The following BIRC6 variants were observed in gnomAD, a reference collection of about 807,000 sequenced individuals.
BIRC6 encodes the protein dual E2 ubiquitin-conjugating enzyme/E3 ubiquitin-protein ligase BIRC6.
Under a neutral mutation model 503.3 loss-of-function variants are expected in BIRC6, and 98 were observed. The observed-to-expected ratio is 0.19, with a 90% CI of 0.17 to 0.23. The LOEUF is 0.23. BIRC6 is among the 10% of genes least tolerant of loss of function. BIRC6 has a pLI of 1.00. For synonymous variants in BIRC6, 2,240 were observed against 2,078.7 expected, an observed-to-expected ratio of 1.08 and a Z score of -2.11; for missense variants, 5,360 against 5,806.0, an observed-to-expected ratio of 0.92 and a Z score of 2.50.
intron 73 of BIRC6, among the ~76,000 whole-genome samples, chr2:32,615,451 T>C (rs574386156): frequency 6.6e-6 from 1 of 152,314 alleles, no homozygotes; most frequent in South Asian, 2.1e-4. Flanking sequence ...TTCCTATTTA[T>C]GTGTCTTATA....
chr2:32,370,271 A>G (rs1449701559), intron 1 of BIRC6, among the ~76,000 whole-genome samples: 2 of 151,268 alleles, frequency 1.3e-5, no homozygotes, highest in African/African-American at 2.4e-5. Flanking sequence ...CGTGGTGATT[A>G]TATTTTCAAA....
At chr2:32,548,081 T>C in intron 64 of BIRC6, 67 bp downstream of exon 64, 1 of 1,361,706 alleles carries the variant, frequency 7.3e-7, no homozygotes, top group Non-Finnish European at 9.7e-7. Flanking sequence ...TTTTAAAATA[T>C]TGATAACTAA....
At position 32,375,585 on chromosome 2, in the gene BIRC6, C is replaced by CCGAAAAAGCCAAATTGCTTGATA. The variant is rs565623786; in HGVS notation, c.326-2000_326-1978dup. 3.7e-3 allele frequency among the ~76,000 whole-genome samples: 568 copies of CCGAAAAAGCCAAATTGCTTGATA among 152,256 alleles called. 3 individuals carry two copies. The highest frequency in any genetic ancestry group is 0.017 in the Middle Eastern group (5 of 294). ...TACAGGCATGAGCCACCATGCCAGG[C>CCGAAAAAGCCAAATTGCTTGATA]CGAAAAAGCCAAATTGCTTGATACG... On this transcript the variant is annotated intron_variant, in intron 1 of 73. Transcript: ENST00000421745.
chr2:32,513,888 G>A (rs186995281), intron 54 of BIRC6, among the ~76,000 whole-genome samples: 6 of 151,848 alleles, frequency 4.0e-5, no homozygotes, highest in Admixed American at 6.6e-5. Context: ...AAGCCTGGGC[G>A]ACAAGAGCAA....
chr2:32,485,247 G>T (rs1572551729), intron 39 of BIRC6, among the ~76,000 whole-genome samples: 1 of 152,078 alleles, frequency 6.6e-6, no homozygotes, highest in East Asian at 1.9e-4. Context: ...TTCTGTATCT[G>T]TCTATCTATT....
At chr2:32,358,324 G>C (rs762315745) in intron 1 of BIRC6, among the ~76,000 whole-genome samples, 2 of 152,162 alleles carry the variant, frequency 1.3e-5, no homozygotes, top group South Asian at 4.1e-4. Context: ...CTCACCATTG[G>C]AGGAGAGCAC....
intron 59 of BIRC6, among the ~76,000 whole-genome samples, chr2:32,526,351 C>T (rs774471133): frequency 1.3e-5 from 2 of 152,160 alleles, no homozygotes; most frequent in African/African-American, 2.4e-5. Context: ...CGATGCCCCA[C>T]ATGATGCCAA....
chr2:32,388,000 A>G (rs939249471), intron 3 of BIRC6, among the ~76,000 whole-genome samples: 3 of 152,196 alleles, frequency 2.0e-5, no homozygotes, highest in African/African-American at 7.2e-5. Flanking sequence ...AGAAAGATTA[A>G]ATTAAGCTAA....
At chr2:32,413,708 A>G (rs1335905646) in intron 9 of BIRC6, among the ~76,000 whole-genome samples, 2 of 151,724 alleles carry the variant, frequency 1.3e-5, no homozygotes, top group Non-Finnish European at 2.9e-5. Context: ...AAGAAAAAAA[A>G]AAAAAAGAAA....
chr2:32,500,612 T>TG (rs900632627), intron 46 of BIRC6, among the ~76,000 whole-genome samples: 11 of 146,200 alleles, frequency 7.5e-5, no homozygotes, highest in East Asian at 2.0e-4. Flanking sequence ...TTTTGTTTTT[T>TG]TTTTTTTTTT....
In BIRC6 at chr2:32,513,170, G is replaced by A; in HGVS notation, c.10568+16G>A. On this transcript the variant is annotated intron_variant, in intron 54 of 73. Coordinates refer to ENST00000421745, the MANE Select transcript of BIRC6 (RefSeq NM_016252.4). Reference sequence around the variant, plus strand: ...AGCTCTTTGAGTAAGTATGATTTGTGAAATCTTTTTTATCCCCCAGTACTA... The same window carrying A: ...AGCTCTTTGAGTAAGTATGATTTGTAAAATCTTTTTTATCCCCCAGTACTA... 3.1e-6 allele frequency: 5 copies of A among 1,598,378 alleles called. No homozygotes were observed. The highest frequency in any genetic ancestry group is 4.3e-6 in the Non-Finnish European group (5 of 1,167,322).
At chr2:32,559,506 AAG>A (rs1172986996) in intron 65 of BIRC6, among the ~76,000 whole-genome samples, 1 of 152,218 alleles carries the variant, frequency 6.6e-6, no homozygotes, top group African/African-American at 2.4e-5. Context: ...AATAGAATGA[AAG>A]AATTCAAGAT....
chr2:32,565,437 A>G (rs1053238680), intron 65 of BIRC6: 3 of 152,182 alleles, frequency 2.0e-5, no homozygotes, highest in African/African-American at 4.8e-5. Flanking sequence ...TTAAAATTCA[A>G]AAGCTTTAAG....
chr2:32,491,661 C>A, intron 44 of BIRC6, 103 bp downstream of exon 44: 4 of 1,189,028 alleles, frequency 3.4e-6, no homozygotes, highest in Non-Finnish European at 3.5e-6. Context: ...TAAATAATAG[C>A]CTTTTATGTA....
At chr2:32,399,855 G>A (rs568331822) in intron 6 of BIRC6, among the ~76,000 whole-genome samples, 3 of 151,692 alleles carry the variant, frequency 2.0e-5, no homozygotes, top group African/African-American at 7.3e-5. Flanking sequence ...TGGCACGATC[G>A]TAGCTCACTG....
intron 9 of BIRC6, among the ~76,000 whole-genome samples, chr2:32,413,757 C>G (rs569534580): frequency 3.3e-5 from 5 of 151,036 alleles, no homozygotes; most frequent in Admixed American, 6.6e-5. Context: ...GGTTCCAGGA[C>G]CCTCTCTAGA....
intron 65 of BIRC6, among the ~76,000 whole-genome samples, chr2:32,571,216 A>G (rs1017214146): frequency 2.6e-5 from 4 of 151,706 alleles, no homozygotes; most frequent in South Asian, 4.2e-4. Flanking sequence ...TTCTGCTTTT[A>G]TTATATCTTT....
At chr2:32,407,990 C>T (rs1007282347) in intron 9 of BIRC6, among the ~76,000 whole-genome samples, 1 of 151,030 alleles carries the variant, frequency 6.6e-6, no homozygotes, top group African/African-American at 2.4e-5. Flanking sequence ...TTTTTTGAGA[C>T]AGAGTCTTGC....
chr2:32,516,172 CATTAG>C (rs985102946), intron 55 of BIRC6, among the ~76,000 whole-genome samples: 8 of 152,202 alleles, frequency 5.3e-5, no homozygotes, highest in African/African-American at 1.9e-4. Flanking sequence ...TTTACATGGG[CATTAG>C]ATTAGGTTTC....
Sources: gnomAD v4.1 joint callset for allele counts (sites outside exome capture counted in the v4.1 genomes callset) on GRCh38, gnomAD v4.1.1 for gene constraint, MANE v1.5 for transcripts, NCBI Gene and HGNC (gene_info 2026-07-23, HGNC 2026-07-21) for gene names.